Variants in GNG12 observed in about 807,000 individuals in gnomAD.
The protein encoded by GNG12 is guanine nucleotide-binding protein G(I)/G(S)/G(O) subunit gamma-12.
For missense variants in GNG12, 69 were observed against 83.8 expected (o/e 0.82, Z 0.69); for synonymous variants, 28 against 29.7 (o/e 0.94, Z 0.19).
intron 1 of GNG12, among the ~76,000 whole-genome samples, chr1:67,828,602 C>T (rs1647024586): frequency 6.6e-6 from 1 of 152,156 alleles, no homozygotes; most frequent in African/African-American, 2.4e-5. Context: ...TAGTTTTTAT[C>T]TATCCAACCT....
At chr1:67,801,176 G>A (rs1039324494) in intron 1 of GNG12, among the ~76,000 whole-genome samples, 5 of 152,132 alleles carry the variant, frequency 3.3e-5, no homozygotes, top group African/African-American at 4.8e-5. Context: ...ATTACCTGTC[G>A]CTTCCTCAAA....
chr1:67,756,815 C>A (rs1646571721), intron 2 of GNG12, among the ~76,000 whole-genome samples: 1 of 152,116 alleles, frequency 6.6e-6, no homozygotes, highest in African/African-American at 2.4e-5. Flanking sequence ...TCTCTAAAAC[C>A]AATCAACTGG....
At chr1:67,739,256 C>T (rs905307639) in intron 2 of GNG12, among the ~76,000 whole-genome samples, 3 of 152,180 alleles carry the variant, frequency 2.0e-5, no homozygotes, top group Admixed American at 1.3e-4. Flanking sequence ...ACCCTGTATG[C>T]CTGTCAAAAT....
At chr1:67,772,360 GT>G (rs1646679891) in intron 2 of GNG12, among the ~76,000 whole-genome samples, 1 of 152,140 alleles carries the variant, frequency 6.6e-6, no homozygotes, top group Non-Finnish European at 1.5e-5. Context: ...TTCCTTATTG[GT>G]AGTCTGGATC....
intron 1 of GNG12, among the ~76,000 whole-genome samples, chr1:67,778,698 A>G (rs1646720422): frequency 6.6e-6 from 1 of 152,146 alleles, no homozygotes; most frequent in African/African-American, 2.4e-5. Context: ...TTTACACAAG[A>G]CTGTGAGACG....
At chr1:67,745,274 A>C (rs1186639528) in intron 2 of GNG12, among the ~76,000 whole-genome samples, 2 of 152,170 alleles carry the variant, frequency 1.3e-5, no homozygotes, top group Non-Finnish European at 2.9e-5. Context: ...CACCACAAAC[A>C]CTGTTGTGGG....
At chr1:67,797,654 C>T (rs1646840070) in intron 1 of GNG12, among the ~76,000 whole-genome samples, 1 of 152,162 alleles carries the variant, frequency 6.6e-6, no homozygotes, top group Admixed American at 6.5e-5. Flanking sequence ...ACTTATTTCA[C>T]TCAAATGATT....
At chr1:67,756,714 A>G (rs906017857) in intron 2 of GNG12, among the ~76,000 whole-genome samples, 1 of 152,220 alleles carries the variant, frequency 6.6e-6, no homozygotes, top group Non-Finnish European at 1.5e-5. Flanking sequence ...TGGTCCCAGC[A>G]TGGCCACAGA....
At chr1:67,811,258 T>A (rs993542806) in intron 1 of GNG12, among the ~76,000 whole-genome samples, 1 of 152,176 alleles carries the variant, frequency 6.6e-6, no homozygotes, top group Non-Finnish European at 1.5e-5. Flanking sequence ...CTGGTTCTGA[T>A]TGAACTGGGT....
intron 2 of GNG12, among the ~76,000 whole-genome samples, chr1:67,709,265 C>A (rs1646267195): frequency 6.6e-6 from 1 of 152,120 alleles, no homozygotes; most frequent in African/African-American, 2.4e-5. Context: ...TATTTTTATC[C>A]TTGGGGGTCA....
At chr1:67,750,789 CAG>C (rs1040956350) in intron 2 of GNG12, among the ~76,000 whole-genome samples, 1 of 152,188 alleles carries the variant, frequency 6.6e-6, no homozygotes, top group African/African-American at 2.4e-5. Flanking sequence ...TCATTTGCCT[CAG>C]ACTCACATTA....
chr1:67,721,634 A>C (rs1646356884), intron 2 of GNG12, among the ~76,000 whole-genome samples: 1 of 152,214 alleles, frequency 6.6e-6, no homozygotes, highest in African/African-American at 2.4e-5. Context: ...TTATCCTAGG[A>C]CTAAGCTGAG....
At chr1:67,809,706 T>C (rs775135266) in intron 1 of GNG12, among the ~76,000 whole-genome samples, 1 of 152,022 alleles carries the variant, frequency 6.6e-6, no homozygotes, top group Non-Finnish European at 1.5e-5. Flanking sequence ...ACTGGGGAAT[T>C]ACAAACGAAA....
At chr1:67,826,963 T>A (rs1468338486) in intron 1 of GNG12, among the ~76,000 whole-genome samples, 1 of 152,246 alleles carries the variant, frequency 6.6e-6, no homozygotes, top group Non-Finnish European at 1.5e-5. Flanking sequence ...TAGTGCCATC[T>A]GAAGCTAAAT....
intron 2 of GNG12, among the ~76,000 whole-genome samples, chr1:67,764,833 C>T (rs1478346108): frequency 6.6e-6 from 1 of 152,176 alleles, no homozygotes; most frequent in African/African-American, 2.4e-5. Context: ...CTGCAGCTCC[C>T]CAGGGCTCAC....
intron 2 of GNG12, among the ~76,000 whole-genome samples, chr1:67,758,746 T>C (rs1409505869): frequency 1.3e-5 from 2 of 152,180 alleles, no homozygotes; most frequent in South Asian, 4.1e-4. Flanking sequence ...TGGAAGCGTG[T>C]CTTAAAAACA....
intron 2 of GNG12, among the ~76,000 whole-genome samples, chr1:67,765,168 T>C (rs1646628368): frequency 6.6e-6 from 1 of 152,154 alleles, no homozygotes; most frequent in African/African-American, 2.4e-5. Context: ...CTATAAAATG[T>C]ATGCACACTC....
chr1:67,798,751 C>T (rs978922837), intron 1 of GNG12, among the ~76,000 whole-genome samples: 1 of 151,986 alleles, frequency 6.6e-6, no homozygotes, highest in Non-Finnish European at 1.5e-5. Context: ...GTCAGGAGAT[C>T]GAGACCATCC....
At chr1:67,749,442 T>G (rs892209534) in intron 2 of GNG12, among the ~76,000 whole-genome samples, 2 of 152,216 alleles carry the variant, frequency 1.3e-5, no homozygotes, top group Admixed American at 6.5e-5. Context: ...CAATAAATGT[T>G]TGCTGCTACT....
Sources: gnomAD v4.1 joint callset for allele counts (sites outside exome capture counted in the v4.1 genomes callset) on GRCh38, gnomAD v4.1.1 for gene constraint, MANE v1.5 for transcripts, NCBI Gene and HGNC (gene_info 2026-07-23, HGNC 2026-07-21) for gene names.